The following MAP4K4 variants were observed in gnomAD, a reference collection of about 807,000 sequenced individuals.
MAP4K4 encodes HPK/GCK-like kinase HGK.
MAP4K4 carries 38 observed loss-of-function variants against 189.6 expected under a neutral mutation model. That is an observed-to-expected ratio of 0.20 (90% CI 0.15 to 0.26). The LOEUF is 0.26. Ranked by LOEUF, MAP4K4 falls within the 10% of genes least tolerant of loss-of-function variation. The pLI, the probability that MAP4K4 is intolerant of heterozygous loss-of-function variation, is 1.00. For synonymous variants in MAP4K4, 610 were observed against 624.3 expected, an observed-to-expected ratio of 0.98 and a Z score of 0.34; for missense variants, 1,054 against 1,726.9, an observed-to-expected ratio of 0.61 and a Z score of 6.91.
intron 3 of MAP4K4, among the ~76,000 whole-genome samples, chr2:101,804,814 G>A (rs920121577): frequency 6.6e-6 from 1 of 152,012 alleles, no homozygotes; most frequent in Non-Finnish European, 1.5e-5. Context: ...GGGTGCGGTG[G>A]CTTACGCCTG....
At chr2:101,760,828 GC>G (rs1276125485) in intron 2 of MAP4K4, among the ~76,000 whole-genome samples, 7 of 152,000 alleles carry the variant, frequency 4.6e-5, no homozygotes, top group Admixed American at 6.6e-5. Context: ...ACATGGAGAA[GC>G]CCCATCTCTA....
chr2:101,763,548 T>C (rs1024319243), intron 2 of MAP4K4, among the ~76,000 whole-genome samples: 4 of 152,366 alleles, frequency 2.6e-5, no homozygotes, highest in East Asian at 1.9e-4. Flanking sequence ...AGAGTTGTTA[T>C]GCAAATGTCC....
rs1559269325 is a variant in MAP4K4, at chr2:101,869,608, G to A, written c.2464-14G>A. ...CTGCTTGCCTTACTCTCTCTTTTCT[G>A]TCCTTTGCTTTAGGATCTGACCGCA... On this transcript the variant is annotated splice_polypyrimidine_tract_variant and intron_variant, in intron 21 of 32. Transcript: ENST00000324219. 3 of 1,603,286 alleles carry A rather than the reference G, an allele frequency of 1.9e-6. No homozygotes were observed. Among genetic ancestry groups the A allele is most frequent in the Non-Finnish European group, 2.6e-6 (3 of 1,173,906 alleles).
chr2:101,790,829 T>A, intron 3 of MAP4K4, 53 bp downstream of exon 3: 1 of 1,395,012 alleles, frequency 7.2e-7, no homozygotes, highest in Non-Finnish European at 1.0e-6. Context: ...AGACAAAGAT[T>A]CCCCCAACAA....
At chr2:101,815,763 A>G (rs1457924741) in intron 3 of MAP4K4, among the ~76,000 whole-genome samples, 2 of 152,236 alleles carry the variant, frequency 1.3e-5, no homozygotes. Flanking sequence ...TATCGAGGCC[A>G]GAGTCTTCTG....
At chr2:101,726,484 A>G (rs1181958421) in intron 2 of MAP4K4, among the ~76,000 whole-genome samples, 1 of 152,162 alleles carries the variant, frequency 6.6e-6, no homozygotes, top group African/African-American at 2.4e-5. Context: ...AAGGTCCATT[A>G]TTACTAGTTA....
chr2:101,885,619 G>A (rs2098469291), intron 29 of MAP4K4, among the ~76,000 whole-genome samples: 1 of 152,210 alleles, frequency 6.6e-6, no homozygotes, highest in Non-Finnish European at 1.5e-5. Flanking sequence ...TAAAGATTTA[G>A]ATGTGTTTTT....
intron 32 of MAP4K4, among the ~76,000 whole-genome samples, 195 bp from the exon 33 acceptor site, chr2:101,890,971 C>T (rs373528576): frequency 2.5e-4 from 37 of 150,858 alleles, no homozygotes; most frequent in African/African-American, 8.0e-4. Context: ...TGGTCTGGAA[C>T]TCCTGGCCTC....
At chr2:101,717,022 A>G (rs2048803232) in intron 2 of MAP4K4, among the ~76,000 whole-genome samples, 1 of 152,234 alleles carries the variant, frequency 6.6e-6, no homozygotes, top group Admixed American at 6.5e-5. Context: ...ATCACCATTA[A>G]TTACAGTGTT....
At chr2:101,889,067 T>G in intron 32 of MAP4K4, 132 bp downstream of exon 32, 1 of 839,324 alleles carries the variant, frequency 1.2e-6, no homozygotes, top group Non-Finnish European at 1.8e-6. Flanking sequence ...ACGTTGCTTT[T>G]TAGTCATGTT....
chr2:101,826,107 C>G (rs2096344987), intron 5 of MAP4K4, among the ~76,000 whole-genome samples: 1 of 152,136 alleles, frequency 6.6e-6, no homozygotes, highest in Non-Finnish European at 1.5e-5. Context: ...CTCTCTACTT[C>G]ATCCCTGAAT....
At chr2:101,725,732 C>A (rs2149499856) in intron 2 of MAP4K4, among the ~76,000 whole-genome samples, 1 of 152,276 alleles carries the variant, frequency 6.6e-6, no homozygotes, top group Admixed American at 6.5e-5. Context: ...CTCATCAACA[C>A]TTTTGAGGTG....
At chr2:101,844,376 G>C in intron 12 of MAP4K4, 65 bp downstream of exon 12, 2 of 1,327,384 alleles carry the variant, frequency 1.5e-6, no homozygotes, top group Non-Finnish European at 2.1e-6. Flanking sequence ...CTGGTAGTTA[G>C]CCACTCAGAG....
rs185475851 is a variant in MAP4K4, at chr2:101,840,541, T to G, written c.949+547T>G. On this transcript the variant is annotated intron_variant, in intron 10 of 32. Coordinates refer to ENST00000324219, the Ensembl canonical transcript of MAP4K4. Reference sequence around the variant, plus strand: ...TTTTCTGTTCCCAGTAACTTTGTTTTATGTCTTTGCACATACTTTGCCCAC... The same window carrying G: ...TTTTCTGTTCCCAGTAACTTTGTTTGATGTCTTTGCACATACTTTGCCCAC... 1.4e-3 allele frequency among the ~76,000 whole-genome samples: 214 copies of G among 152,344 alleles called. No individual in the cohort carries two copies. In the Middle Eastern group the frequency reaches 0.02, roughly 15 times the overall value.
chr2:101,748,580 G>A (rs1006676887), intron 2 of MAP4K4, among the ~76,000 whole-genome samples: 7 of 152,152 alleles, frequency 4.6e-5, no homozygotes, highest in Non-Finnish European at 1.0e-4. Context: ...AGGCTGAGGT[G>A]GATGGATCTC....
chr2:101,760,846 A>G (rs1316282949), intron 2 of MAP4K4, among the ~76,000 whole-genome samples: 1 of 151,986 alleles, frequency 6.6e-6, no homozygotes, highest in Non-Finnish European at 1.5e-5. Flanking sequence ...TCTACTAAAA[A>G]TACTAAATTA....
At chr2:101,821,210 C>T (rs1273123527) in intron 3 of MAP4K4, among the ~76,000 whole-genome samples, 5 of 152,130 alleles carry the variant, frequency 3.3e-5, no homozygotes, top group African/African-American at 1.2e-4. Flanking sequence ...ATTGTATCAA[C>T]TGTATTGGGT....
At chr2:101,754,408 G>T (rs1209701134) in intron 2 of MAP4K4, among the ~76,000 whole-genome samples, 1 of 142,148 alleles carries the variant, frequency 7.0e-6, no homozygotes, top group Non-Finnish European at 1.5e-5. Context: ...CTGGAGTGCA[G>T]TGGCGTGATC....
In MAP4K4 at chr2:101,863,713, C is replaced by T. The variant is rs1022492963; in HGVS notation, c.1867-108C>T. 4.8e-5 allele frequency: 29 copies of T among 608,056 alleles called. No homozygotes were observed. In the East Asian group the frequency reaches 1.2e-3, roughly 25 times the overall value. The allele number at this position is 608,056 out of a possible 1,614,324, so 37.7% of individuals were successfully genotyped here. On this transcript the variant is annotated intron_variant, in intron 16 of 32. Transcript: ENST00000324219. ...TGGCTGACCTAACACTGTACCACCC[C>T]GGTGTGTATTCCGCCTCTGCCAGTT...
Sources: gnomAD v4.1 joint callset for allele counts (sites outside exome capture counted in the v4.1 genomes callset) on GRCh38, gnomAD v4.1.1 for gene constraint, MANE v1.5 for transcripts, NCBI Gene and HGNC (gene_info 2026-07-23, HGNC 2026-07-21) for gene names.